Variants in ZNF507 observed in about 807,000 individuals in gnomAD.
ZNF507 encodes zinc finger protein 507.
Under a neutral mutation model 80.0 loss-of-function variants are expected in ZNF507, and 29 were observed. The observed-to-expected ratio is 0.36, with a 90% CI of 0.27 to 0.49. The LOEUF (loss-of-function observed/expected upper bound fraction) is 0.49. Ranked by LOEUF, ZNF507 falls within the 20% of genes least tolerant of loss-of-function variation. ZNF507 has a pLI of 0.98. For synonymous variants in ZNF507, 462 were observed against 422.5 expected (o/e 1.09, Z -1.15); for missense variants, 1,081 against 1,152.2 (o/e 0.94, Z 0.90).
intron 2 of ZNF507, among the ~76,000 whole-genome samples, chr19:32,348,250 T>C (rs1967120326): frequency 6.6e-6 from 1 of 152,152 alleles, no homozygotes; most frequent in Non-Finnish European, 1.5e-5. Context: ...TATTTTAGAA[T>C]TACAATAATC....
chr19:32,350,438 AT>A (rs1482943919), intron 2 of ZNF507, among the ~76,000 whole-genome samples: 1 of 152,182 alleles, frequency 6.6e-6, no homozygotes, highest in Non-Finnish European at 1.5e-5. Flanking sequence ...TTAGCTCTTA[AT>A]GCCTGAGCCG....
At chr19:32,347,371 T>C (rs559621248) in intron 2 of ZNF507, 33 bp downstream of exon 2, 1 of 152,490 alleles carries the variant, frequency 6.6e-6, no homozygotes, top group South Asian at 2.1e-4. Flanking sequence ...AGTGTTTCCT[T>C]ATTTATAAGA....
chr19:32,353,685 T>C lies in ZNF507; in HGVS notation c.855T>C (p.Asn285=). 2 of 1,614,122 alleles carry C rather than the reference T, an allele frequency of 1.2e-6. No individual in the cohort carries two copies. Among genetic ancestry groups the C allele is most frequent in the Non-Finnish European group, 1.7e-6 (2 of 1,180,036 alleles). ...CCTATCCAATCTTTGAAAATGAAAA[T>C]GAACCCCTAGGCCTGCTGGATTCTT... The part of the protein sequence containing the change: ...DCSYPIFENE[N]EPLGLLDSSA... Residue 285 remains asparagine, a synonymous_variant, in exon 3 of 7, where the codon AAT becomes AAC. Transcript: ENST00000355898.
chr19:32,351,319 A>G (rs965882898), intron 2 of ZNF507, among the ~76,000 whole-genome samples: 1 of 152,108 alleles, frequency 6.6e-6, no homozygotes, highest in Non-Finnish European at 1.5e-5. Context: ...ATGTGGACCT[A>G]GATCTAGAAA....
chr19:32,384,861 A>AT lies in ZNF507; in HGVS notation c.*1779dup, dbSNP rs1967668352. 1 of 152,210 alleles carries AT rather than the reference A, an allele frequency of 6.6e-6. No homozygotes were observed. The highest frequency in any genetic ancestry group is 1.5e-5 in the Non-Finnish European group (1 of 68,044). The allele number at this position is 152,210 out of a possible 1,614,324, so 9.4% of individuals were successfully genotyped here. ...GTTTTTAAAAATATGAAATGGATTT[A>AT]TATATACTATATTCCTCAAATCCAC... On this transcript the variant is annotated 3_prime_UTR_variant, in exon 7 of 7. Transcript: ENST00000355898.
In ZNF507 at chr19:32,386,545, A is replaced by G. The variant is rs968531006; in HGVS notation, c.*3462A>G. On this transcript the variant is annotated 3_prime_UTR_variant, in exon 7 of 7. Coordinates refer to ENST00000355898, the MANE Select transcript of ZNF507 (RefSeq NM_001136156.2). ...TTGCTTCTATAGCCAAAGTATAAAA[A>G]TTTCTGGAATACTGACATGTAAAGA... 2 of 152,664 alleles carry G rather than the reference A, an allele frequency of 1.3e-5. No homozygotes were observed. The highest frequency in any genetic ancestry group is 2.9e-5 in the Non-Finnish European group (2 of 68,042). 9.5% of individuals were successfully genotyped at this position (152,664 alleles called of 1,614,324 possible).
intron 5 of ZNF507, among the ~76,000 whole-genome samples, chr19:32,376,521 C>G (rs1838764493): frequency 1.3e-5 from 2 of 152,152 alleles, no homozygotes; most frequent in Admixed American, 1.3e-4. Flanking sequence ...CAGCAGGACA[C>G]GGGACCCAAC....
intron 5 of ZNF507, chr19:32,382,203 A>G (rs527284811): frequency 3.0e-6 from 1 of 331,366 alleles, no homozygotes; most frequent in South Asian, 1.1e-4. Flanking sequence ...TGTAATAACT[A>G]AAGTAATCTG....
chr19:32,382,298 T>C, intron 5 of ZNF507, 169 bp from the exon 6 acceptor site: 1 of 768,826 alleles, frequency 1.3e-6, no homozygotes, highest in Non-Finnish European at 2.0e-6. Context: ...CTAGGACCTC[T>C]CTGAAATCAG....
At chr19:32,376,240 T>TA (rs1391895991) in intron 5 of ZNF507, among the ~76,000 whole-genome samples, 5 of 152,168 alleles carry the variant, frequency 3.3e-5, no homozygotes, top group African/African-American at 1.2e-4. Context: ...TATCTAGTGA[T>TA]AACGCTATGA....
chr19:32,382,347 AATACG>A lies in ZNF507; in HGVS notation c.2361-116_2361-112del, dbSNP rs1003262502. ...ATCAGTAACATCTTAGATTCAGTGA[AATACG>A]ATATGTCTAATAAGGGTTCGGAGGA... On this transcript the variant is annotated intron_variant, in intron 5 of 6. Coordinates refer to ENST00000355898, the MANE Select transcript of ZNF507 (RefSeq NM_001136156.2). The A allele has an allele frequency of 5.4e-5, 68 of 1,255,242 alleles. No individual in the cohort carries two copies. The African/African-American group carries it at 9.6e-4, about 18-fold the overall frequency. The allele number at this position is 1,255,242 out of a possible 1,614,324, so 77.8% of individuals were successfully genotyped here. A position where few individuals can be genotyped will look rare whatever the true frequency, so the allele number is the denominator to read the frequency against.
rs1967307492 is a variant in ZNF507, at chr19:32,360,511, G to GTCT, written c.2256_2258dup (p.Ser753dup). Reference sequence around the variant, plus strand: ...CTGAAATACCTTGTCTAGGGAATAAGTCTTCAGTCCAGAAACAATATAGAT... The same window carrying GTCT: ...CTGAAATACCTTGTCTAGGGAATAAGTCTTCTTCAGTCCAGAAACAATATAGAT... On this transcript the variant is annotated inframe_insertion, in exon 5 of 7. Transcript: ENST00000355898. 2 of 1,560,168 alleles carry GTCT rather than the reference G, an allele frequency of 1.3e-6. No individual in the cohort carries two copies. The highest frequency in any genetic ancestry group is 1.7e-6 in the Non-Finnish European group (2 of 1,155,312).
Position 32,360,522 on chromosome 19 carries a change from A to G in ZNF507, c.2264A>G (p.Gln755Arg), listed in dbSNP as rs1967307787. 3 of 1,581,560 alleles carry G rather than the reference A, an allele frequency of 1.9e-6. No individual in the cohort carries two copies. Among genetic ancestry groups the G allele is most frequent in the Non-Finnish European group, 2.6e-6 (3 of 1,166,670 alleles). Residue 755 changes from glutamine to arginine, a missense_variant, in exon 5 of 7, where the codon CAG becomes CGG. By Grantham distance (43) the Gln-to-Arg change is conservative (BLOSUM62 1). Around this residue, in one of 6 missense-constraint regions of ZNF507, gnomAD observed 40 missense variants for 52.4 expected, o/e 0.76. Coordinates refer to ENST00000355898, the MANE Select transcript of ZNF507 (RefSeq NM_001136156.2). ...CVQEGNKSSV[Q>R]KQYRCDVCDY... Reference sequence around the variant, plus strand: ...TGTCTAGGGAATAAGTCTTCAGTCCAGAAACAATATAGATGTGATGTGTGT... The same window carrying G: ...TGTCTAGGGAATAAGTCTTCAGTCCGGAAACAATATAGATGTGATGTGTGT...
chr19:32,368,198 C>T (rs772812713), intron 5 of ZNF507, among the ~76,000 whole-genome samples: 3 of 152,186 alleles, frequency 2.0e-5, no homozygotes, highest in Admixed American at 6.5e-5. Flanking sequence ...TTTCATTATG[C>T]TCAGGGATTC....
chr19:32,382,065 C>T (rs780763617), intron 5 of ZNF507: 46 of 155,780 alleles, frequency 3.0e-4, no homozygotes, highest in Non-Finnish European at 5.2e-4. Flanking sequence ...AAAATCATTT[C>T]GTTCCTTTTT....
chr19:32,353,730 T>A lies in ZNF507; in HGVS notation c.900T>A (p.Gly300=). 6.2e-7 allele frequency: 1 copy of A among 1,614,144 alleles called. No homozygotes were observed. ...LLDSSAAAAP[G]GVDAVVIAIG... ...ATTCTTCAGCAGCTGCTGCGCCTGG[T>A]GGGGTCGATGCAGTCGTCATTGCTA... The change falls in exon 3 of 7, where the codon GGT becomes GGA. Residue 300 remains glycine, a synonymous_variant. Coordinates refer to ENST00000355898, the MANE Select transcript of ZNF507 (RefSeq NM_001136156.2).
At chr19:32,366,045 T>C (rs181001594) in intron 5 of ZNF507, among the ~76,000 whole-genome samples, 5 of 152,306 alleles carry the variant, frequency 3.3e-5, no homozygotes, top group South Asian at 2.1e-4. Flanking sequence ...CCAAATAATA[T>C]AAGATGAATT....
chr19:32,351,178 A>C (rs948105275), intron 2 of ZNF507, among the ~76,000 whole-genome samples: 1 of 152,190 alleles, frequency 6.6e-6, no homozygotes, highest in Non-Finnish European at 1.5e-5. Flanking sequence ...CATGGAATGC[A>C]TGTGAGGGCA....
At chr19:32,365,240 T>A (rs1157679540) in intron 5 of ZNF507, among the ~76,000 whole-genome samples, 2 of 152,218 alleles carry the variant, frequency 1.3e-5, no homozygotes, top group African/African-American at 4.8e-5. Context: ...TTCTGGATAT[T>A]AGTCCTTTGT....
Sources: allele counts gnomAD v4.1 joint callset (sites outside exome capture counted in the v4.1 genomes callset), GRCh38; gene constraint gnomAD v4.1.1; regional missense constraint gnomAD v4.1.1; transcripts MANE v1.5; gene names NCBI Gene and HGNC (gene_info 2026-07-23, HGNC 2026-07-21).